Variants in SLC39A11 observed in about 807,000 individuals in gnomAD.
SLC39A11 encodes the protein solute carrier family 39 member 11.
Under a neutral mutation model 36.1 loss-of-function variants are expected in SLC39A11, and 33 were observed. That is an observed-to-expected ratio of 0.91 (90% CI 0.69 to 1.22). SLC39A11 has a LOEUF of 1.22. Among genes scored for constraint, SLC39A11 ranks in the 50% most tolerant of loss-of-function variants. The pLI, the probability that SLC39A11 is intolerant of heterozygous loss-of-function variation, is 0.00. For synonymous variants in SLC39A11, 166 were observed against 170.3 expected (o/e 0.97, Z 0.20); for missense variants, 432 against 430.3 (o/e 1.00, Z -0.03).
intron 3 of SLC39A11, among the ~76,000 whole-genome samples, chr17:73,050,557 G>A (rs1176597348): frequency 1.3e-5 from 2 of 149,910 alleles, no homozygotes; most frequent in African/African-American, 4.9e-5. Context: ...TCTGCCTCCC[G>A]AGTTCAAGTA....
rs148693710 is a variant in SLC39A11, at chr17:72,820,100, C to T, written c.601+29534G>A. Among the ~76,000 whole-genome samples, 330 of 151,360 alleles carry T rather than the reference C, an allele frequency of 2.2e-3. 3 individuals are homozygous for T. Among genetic ancestry groups the T allele is most frequent in the African/African-American group, 6.9e-3 (287 of 41,478 alleles). On this transcript the variant is annotated intron_variant, in intron 6 of 9. Transcript: ENST00000255559. ...GAAAACAAGTGACTTCTGTGACTTC[C>T]GTCAGTTTACACTAAGAGGGAAGGT...
chr17:72,965,651 C>A (rs1443156515), intron 4 of SLC39A11, among the ~76,000 whole-genome samples: 1 of 152,144 alleles, frequency 6.6e-6, no homozygotes, highest in East Asian at 1.9e-4. Flanking sequence ...ACAGTATTTT[C>A]AGCTATGATA....
Position 72,995,928 on chromosome 17 carries a change from G to A in SLC39A11, c.306+35628C>T, listed in dbSNP as rs546319611. Among the ~76,000 whole-genome samples, 51 of 152,232 alleles carry A rather than the reference G, an allele frequency of 3.4e-4. 3 individuals carry two copies. In the South Asian group the frequency reaches 9.2e-3, roughly 27 times the overall value. The stretch of plus-strand genomic sequence containing the variant: ...TCTCCCACATCCAATTGGTTACCAA[G>A]TCTAGCTGTTTCTTCTGAACATCTT... On this transcript the variant is annotated intron_variant, in intron 4 of 9. Coordinates refer to ENST00000255559, the MANE Select transcript of SLC39A11 (RefSeq NM_139177.4).
chr17:72,686,584 G>C (rs571536249), intron 7 of SLC39A11, among the ~76,000 whole-genome samples: 2 of 139,620 alleles, frequency 1.4e-5, no homozygotes, highest in East Asian at 4.1e-4. Flanking sequence ...CTTCTGTCCA[G>C]TGAGGGGGCT....
chr17:72,731,085 AC>A (rs1375159431), intron 7 of SLC39A11, among the ~76,000 whole-genome samples: 2 of 152,168 alleles, frequency 1.3e-5, no homozygotes, highest in Non-Finnish European at 2.9e-5. Context: ...ATTTAGGGCT[AC>A]CTTGGCACTT....
intron 6 of SLC39A11, among the ~76,000 whole-genome samples, chr17:72,804,065 C>G (rs905372073): frequency 1.3e-5 from 2 of 151,916 alleles, no homozygotes. Context: ...GCGTGATCTC[C>G]GCTCACTGCA....
At chr17:72,825,310 C>A (rs766338716) in intron 6 of SLC39A11, among the ~76,000 whole-genome samples, 1 of 152,208 alleles carries the variant, frequency 6.6e-6, no homozygotes, top group Non-Finnish European at 1.5e-5. Context: ...GTGGCTTCCA[C>A]GTGGTGGTAA....
At chr17:72,746,296 A>G (rs2074933041) in intron 6 of SLC39A11, among the ~76,000 whole-genome samples, 1 of 152,172 alleles carries the variant, frequency 6.6e-6, no homozygotes, top group Non-Finnish European at 1.5e-5. Context: ...TCAGGTCCCA[A>G]AAGGCACTCA....
In SLC39A11 at chr17:72,919,669, CAAAAAAAA is replaced by C. The variant is rs35888661; in HGVS notation, c.430+28075_430+28082del. 1.6e-4 allele frequency among the ~76,000 whole-genome samples: 11 copies of C among 69,016 alleles called. No homozygotes were observed. In the East Asian group the frequency reaches 4.1e-3, roughly 25 times the overall value. The allele number at this position is 69,016 out of a possible 152,430, so 45.3% of individuals were successfully genotyped here. ...ACTGGGCGACAGAGGGAGAGTCCGT[CAAAAAAAA>C]AAAAAAAAGAAAAAAAGAAGGAAAC... is the stretch of plus-strand genomic sequence containing the variant. On this transcript the variant is annotated intron_variant, in intron 5 of 9. Transcript: ENST00000255559.
intron 7 of SLC39A11, among the ~76,000 whole-genome samples, chr17:72,703,672 T>C (rs1379461030): frequency 6.6e-6 from 1 of 152,212 alleles, no homozygotes. Context: ...ACTGTTAACA[T>C]CCATGGCCAA....
In SLC39A11 at chr17:72,920,619, TAC is replaced by T. The variant is rs146702114; in HGVS notation, c.430+27131_430+27132del. Among the ~76,000 whole-genome samples, 465 of 107,162 alleles carry T rather than the reference TAC, an allele frequency of 4.3e-3. 2 individuals carry two copies. Among genetic ancestry groups the T allele is most frequent in the African/African-American group, 0.015 (394 of 27,116 alleles). The allele number at this position is 107,162 out of a possible 152,430, so 70.3% of individuals were successfully genotyped here. ...CCACCCCCTCTACAACTACACCCCA[TAC>T]ACACACACACACCTCCTACCCCCTT... On this transcript the variant is annotated intron_variant, in intron 5 of 9. Coordinates refer to ENST00000255559, the MANE Select transcript of SLC39A11 (RefSeq NM_139177.4).
chr17:72,935,245 A>T (rs1018520450), intron 5 of SLC39A11, among the ~76,000 whole-genome samples: 8 of 152,258 alleles, frequency 5.3e-5, no homozygotes, highest in African/African-American at 1.9e-4. Flanking sequence ...GCATGACGCC[A>T]AGTAGAAAGA....
At chr17:72,744,671 T>C (rs1031301938) in intron 6 of SLC39A11, among the ~76,000 whole-genome samples, 3 of 151,804 alleles carry the variant, frequency 2.0e-5, no homozygotes, top group Non-Finnish European at 4.4e-5. Flanking sequence ...AGACTGGGGG[T>C]TCCTTGCTGT....
chr17:72,958,210 T>C (rs1440318057), intron 4 of SLC39A11, among the ~76,000 whole-genome samples: 1 of 152,122 alleles, frequency 6.6e-6, no homozygotes, highest in Non-Finnish European at 1.5e-5. Context: ...TATACAAAAA[T>C]CAACTCAAGA....
intron 5 of SLC39A11, among the ~76,000 whole-genome samples, chr17:72,924,464 A>T (rs1425186384): frequency 6.6e-6 from 1 of 152,128 alleles, no homozygotes; most frequent in Non-Finnish European, 1.5e-5. Context: ...AACTAAAATC[A>T]AATGGAAATA....
chr17:73,009,554 G>T (rs955853619), intron 4 of SLC39A11, among the ~76,000 whole-genome samples: 1 of 152,114 alleles, frequency 6.6e-6, no homozygotes, highest in African/African-American at 2.4e-5. Flanking sequence ...TGGAGAGTAA[G>T]CGAAGAATGG....
intron 6 of SLC39A11, among the ~76,000 whole-genome samples, chr17:72,807,180 T>C (rs1230353931): frequency 6.6e-6 from 1 of 152,198 alleles, no homozygotes; most frequent in Non-Finnish European, 1.5e-5. Context: ...ATCATTTTCA[T>C]TGTTGCTTTT....
chr17:72,853,224 T>C (rs1473501616), intron 5 of SLC39A11, among the ~76,000 whole-genome samples: 8 of 151,018 alleles, frequency 5.3e-5, no homozygotes, highest in Non-Finnish European at 1.2e-4. Flanking sequence ...GACAGGGTTT[T>C]GCTGCATTGA....
intron 7 of SLC39A11, chr17:72,663,802 T>A (rs1598272085): frequency 6.6e-6 from 1 of 152,216 alleles, no homozygotes; most frequent in African/African-American, 2.4e-5. Context: ...AGCCTCTCCA[T>A]CTGCAGCAAA....
Sources: allele counts gnomAD v4.1 joint callset (sites outside exome capture counted in the v4.1 genomes callset), GRCh38; gene constraint gnomAD v4.1.1; transcripts MANE v1.5; gene names NCBI Gene and HGNC (gene_info 2026-07-23, HGNC 2026-07-21).